Variants in CLASP1 observed in about 807,000 individuals in gnomAD.
The protein encoded by CLASP1 is CLIP-associating protein 1.
CLASP1 carries 38 observed loss-of-function variants against 192.3 expected under a neutral mutation model. That is an observed-to-expected ratio of 0.20 (90% CI 0.15 to 0.26). The LOEUF is 0.26. CLASP1 is among the 10% of genes least tolerant of loss of function. The pLI is 1.00. For missense variants in CLASP1, 1,433 were observed against 1,932.5 expected (o/e 0.74, Z 4.85); for synonymous variants, 691 against 712.8 (o/e 0.97, Z 0.49).
chr2:121,576,114 G>C (rs1028675067), intron 2 of CLASP1, among the ~76,000 whole-genome samples: 4 of 152,188 alleles, frequency 2.6e-5, no homozygotes, highest in Non-Finnish European at 5.9e-5. Context: ...AGGGTTAGAG[G>C]TCTTTTCATT....
intron 22 of CLASP1, among the ~76,000 whole-genome samples, chr2:121,423,704 G>A (rs1285554906): frequency 6.6e-6 from 1 of 152,158 alleles, no homozygotes; most frequent in Non-Finnish European, 1.5e-5. Context: ...CCTTTTCTAT[G>A]ATTGTATCCA....
chr2:121,613,076 A>C (rs2065876480), intron 1 of CLASP1, among the ~76,000 whole-genome samples: 1 of 152,262 alleles, frequency 6.6e-6, no homozygotes, highest in Non-Finnish European at 1.5e-5. Flanking sequence ...CTTCATCAGG[A>C]AAAGTTTTCT....
chr2:121,646,909 G>A (rs1366304647), intron 1 of CLASP1, among the ~76,000 whole-genome samples: 2 of 151,720 alleles, frequency 1.3e-5, no homozygotes, highest in South Asian at 2.1e-4. Context: ...GCATGGTGGC[G>A]GGCACCTGTA....
At chr2:121,384,424 G>T (rs2072709723) in intron 32 of CLASP1, among the ~76,000 whole-genome samples, 1 of 152,020 alleles carries the variant, frequency 6.6e-6, no homozygotes, top group Admixed American at 6.6e-5. Context: ...CTGGGCTGAA[G>T]CAATCCTCCC....
intron 1 of CLASP1, among the ~76,000 whole-genome samples, chr2:121,638,563 G>A (rs2106309670): frequency 6.6e-6 from 1 of 151,984 alleles, no homozygotes; most frequent in Middle Eastern, 3.4e-3. Context: ...TAGCCAAAGA[G>A]CAGAAACAAG....
At chr2:121,534,197 C>G (rs1160736076) in intron 2 of CLASP1, among the ~76,000 whole-genome samples, 1 of 152,232 alleles carries the variant, frequency 6.6e-6, no homozygotes. Context: ...TTTTAATAAC[C>G]TCTTGGGTCA....
intron 23 of CLASP1, among the ~76,000 whole-genome samples, chr2:121,411,295 T>C (rs2149512585): frequency 6.6e-6 from 1 of 152,382 alleles, no homozygotes; most frequent in Non-Finnish European, 1.5e-5. Context: ...GCTTTCCCTG[T>C]AGAGGCAAGT....
At chr2:121,549,706 C>CAAAAAAAAAA (rs57551536) in intron 2 of CLASP1, among the ~76,000 whole-genome samples, 51 of 70,576 alleles carry the variant, frequency 7.2e-4, no homozygotes, top group East Asian at 1.5e-3. Flanking sequence ...CAATCCTCTG[C>CAAAAAAAAAA]AAAAAAAAAA....
At chr2:121,411,129 G>C (rs1276168421) in intron 23 of CLASP1, among the ~76,000 whole-genome samples, 160 bp from the exon 25 acceptor site, 1 of 152,222 alleles carries the variant, frequency 6.6e-6, no homozygotes, top group African/African-American at 2.4e-5. Context: ...TAGAGGTTAA[G>C]CTGTTCACAT....
At chr2:121,450,330 C>CAA (rs879572403) in intron 16 of CLASP1, among the ~76,000 whole-genome samples, 2 of 124,218 alleles carry the variant, frequency 1.6e-5, no homozygotes, top group African/African-American at 3.0e-5. Flanking sequence ...GACTCTATCT[C>CAA]AAAAAAAAAA....
chr2:121,511,268 T>A (rs2094126744), intron 7 of CLASP1, among the ~76,000 whole-genome samples: 1 of 151,982 alleles, frequency 6.6e-6, no homozygotes, highest in African/African-American at 2.4e-5. Context: ...GATGAGGAGA[T>A]TGGAAGTATA....
At chr2:121,392,035 T>C (rs1051779912) in intron 30 of CLASP1, among the ~76,000 whole-genome samples, 2 of 152,224 alleles carry the variant, frequency 1.3e-5, no homozygotes, top group Admixed American at 1.3e-4. Flanking sequence ...AAAAGTCAAC[T>C]AGATATCTCA....
intron 2 of CLASP1, among the ~76,000 whole-genome samples, chr2:121,567,741 T>C (rs942757908): frequency 2.6e-5 from 4 of 152,142 alleles, no homozygotes; most frequent in African/African-American, 9.7e-5. Flanking sequence ...ACCCTAATTA[T>C]CCTCTCATCA....
intron 7 of CLASP1, 26 bp downstream of exon 7, chr2:121,515,639 G>C: frequency 6.3e-7 from 1 of 1,593,250 alleles, no homozygotes; most frequent in Non-Finnish European, 8.6e-7. Flanking sequence ...GGGTAGAGCA[G>C]AAGAAAGGAA....
At chr2:121,503,612 C>G (rs556951908) in intron 7 of CLASP1, among the ~76,000 whole-genome samples, 130 of 152,222 alleles carry the variant, frequency 8.5e-4, no homozygotes, top group Non-Finnish European at 3.1e-4. Context: ...TCTTTCTTAG[C>G]GCAGACTATC....
At chr2:121,348,486 C>A in intron 38 of CLASP1, 26 bp downstream of exon 39, 1 of 1,580,206 alleles carries the variant, frequency 6.3e-7, no homozygotes, top group African/African-American at 1.3e-5. Flanking sequence ...AGGCCGGGGG[C>A]AGGCCCCACC....
At chr2:121,611,589 G>A (rs2065508089) in intron 1 of CLASP1, among the ~76,000 whole-genome samples, 1 of 139,846 alleles carries the variant, frequency 7.2e-6, no homozygotes, top group Admixed American at 7.1e-5. Context: ...AAGAGGAACT[G>A]GAGGAGGAGG....
intron 2 of CLASP1, among the ~76,000 whole-genome samples, chr2:121,566,836 T>C (rs185197775): frequency 6.8e-4 from 104 of 152,270 alleles, no homozygotes; most frequent in Non-Finnish European, 1.2e-3. Flanking sequence ...GACACCACCA[T>C]AATTTTTTTA....
At chr2:121,450,292 C>G (rs1044438077) in intron 16 of CLASP1, among the ~76,000 whole-genome samples, 7 of 151,574 alleles carry the variant, frequency 4.6e-5, no homozygotes, top group African/African-American at 1.7e-4. Flanking sequence ...GATTGCACCA[C>G]TGCACTCCAG....
Sources: gnomAD v4.1 joint callset for allele counts (sites outside exome capture counted in the v4.1 genomes callset) on GRCh38, gnomAD v4.1.1 for gene constraint, MANE v1.5 for transcripts, NCBI Gene and HGNC (gene_info 2026-07-23, HGNC 2026-07-21) for gene names.